The following NFATC2 variants were observed in gnomAD, a reference collection of about 807,000 sequenced individuals.
The protein encoded by NFATC2 is nuclear factor of activated T-cells, cytoplasmic 2.
Under a neutral mutation model 87.3 loss-of-function variants are expected in NFATC2, and 22 were observed. The ratio of observed to expected loss-of-function variants is 0.25; its 90% CI spans 0.18 to 0.36. The LOEUF (loss-of-function observed/expected upper bound fraction) is 0.36, where lower values mean the gene tolerates loss of function less well. Among genes scored for constraint, NFATC2 ranks in the 10% least tolerant of loss-of-function variants. The pLI is 1.00. For missense variants in NFATC2, 1,149 were observed against 1,259.1 expected (o/e 0.91, Z 1.32); for synonymous variants, 565 against 542.2 (o/e 1.04, Z -0.58).
At chr20:51,430,651 T>C (rs1982567207) in intron 9 of NFATC2, among the ~76,000 whole-genome samples, 1 of 152,144 alleles carries the variant, frequency 6.6e-6, no homozygotes. Context: ...TCCCTAGGGA[T>C]TGGGTATGGA....
chr20:51,465,363 G>C (rs1283743881), intron 5 of NFATC2, among the ~76,000 whole-genome samples: 1 of 152,156 alleles, frequency 6.6e-6, no homozygotes, highest in Non-Finnish European at 1.5e-5. Context: ...CTGGGTGACA[G>C]AGTGAGAATC....
At chr20:51,487,577 C>A (rs542401357) in intron 3 of NFATC2, among the ~76,000 whole-genome samples, 1 of 152,318 alleles carries the variant, frequency 6.6e-6, no homozygotes, top group South Asian at 2.1e-4. Context: ...TCTGGATGAG[C>A]CATAAGCTCT....
intron 9 of NFATC2, among the ~76,000 whole-genome samples, chr20:51,410,692 C>T (rs1029186732): frequency 6.6e-6 from 1 of 152,006 alleles, no homozygotes; most frequent in East Asian, 1.9e-4. Context: ...TTTGCACCCA[C>T]CATACAAGAG....
chr20:51,549,267 TTTG>T (rs1309510411), intron 1 of NFATC2, among the ~76,000 whole-genome samples: 3 of 46,284 alleles, frequency 6.5e-5, no homozygotes, highest in East Asian at 2.2e-3. Context: ...GGTTTTTTTG[TTTG>T]TTTGTTTGTT....
At chr20:51,498,209 CG>C (rs1044207538) in intron 3 of NFATC2, among the ~76,000 whole-genome samples, 1 of 152,080 alleles carries the variant, frequency 6.6e-6, no homozygotes, top group Non-Finnish European at 1.5e-5. Context: ...ACCAAGGAGC[CG>C]CCTACGCCAG....
chr20:51,517,182 T>C (rs1423660452), intron 2 of NFATC2, among the ~76,000 whole-genome samples: 1 of 152,180 alleles, frequency 6.6e-6, no homozygotes, highest in Non-Finnish European at 1.5e-5. Context: ...TAGTGGCTCC[T>C]AGGCTACAAA....
intron 9 of NFATC2, among the ~76,000 whole-genome samples, chr20:51,415,506 G>A (rs970765224): frequency 6.6e-6 from 1 of 152,130 alleles, no homozygotes; most frequent in African/African-American, 2.4e-5. Flanking sequence ...GGGGATCCAG[G>A]AAAACCAAGA....
chr20:51,553,183 C>A lies in NFATC2; in HGVS notation c.70+9377G>T, dbSNP rs976061773. 2.6e-5 allele frequency among the ~76,000 whole-genome samples: 4 copies of A among 152,272 alleles called. No homozygotes were observed. In the South Asian group the frequency reaches 8.3e-4, roughly 32 times the overall value. On this transcript the variant is annotated intron_variant, in intron 1 of 10. Transcript: ENST00000414705. Reference sequence around the variant, plus strand: ...GCTGTTCCCTGGGGATGCCCTCCTCCGTTTGCCCCAGCCCCCACCTGTCTT... The same window carrying A: ...GCTGTTCCCTGGGGATGCCCTCCTCAGTTTGCCCCAGCCCCCACCTGTCTT...
At chr20:51,408,977 C>T (rs1245735627) in intron 9 of NFATC2, among the ~76,000 whole-genome samples, 1 of 152,198 alleles carries the variant, frequency 6.6e-6, no homozygotes, top group Non-Finnish European at 1.5e-5. Flanking sequence ...AGAAAACTCA[C>T]ACCTTTCAGA....
chr20:51,515,686 A>G (rs1398847620), intron 3 of NFATC2, among the ~76,000 whole-genome samples: 1 of 39,930 alleles, frequency 2.5e-5, no homozygotes, highest in Non-Finnish European at 6.2e-5. Flanking sequence ...TGTCTGATTT[A>G]AAAAAAAAAA....
chr20:51,539,738 A>G (rs904230581), intron 1 of NFATC2, among the ~76,000 whole-genome samples: 1 of 152,112 alleles, frequency 6.6e-6, no homozygotes, highest in Non-Finnish European at 1.5e-5. Flanking sequence ...GACTCAAGCA[A>G]TCTTCCCACC....
chr20:51,419,647 C>A (rs1980575463), intron 9 of NFATC2, among the ~76,000 whole-genome samples: 1 of 152,180 alleles, frequency 6.6e-6, no homozygotes, highest in Non-Finnish European at 1.5e-5. Flanking sequence ...GCCTCTACAT[C>A]CTAATCAATA....
intron 9 of NFATC2, among the ~76,000 whole-genome samples, chr20:51,427,331 G>A (rs1981987449): frequency 6.6e-6 from 1 of 152,130 alleles, no homozygotes; most frequent in Admixed American, 6.5e-5. Context: ...TCTCCCGCTT[G>A]CTTGCGTCCT....
intron 5 of NFATC2, among the ~76,000 whole-genome samples, chr20:51,465,677 C>G (rs944340993): frequency 2.0e-5 from 3 of 152,058 alleles, no homozygotes; most frequent in African/African-American, 4.8e-5. Flanking sequence ...ATCGGCATGA[C>G]AGACACATAT....
chr20:51,545,132 T>C (rs1034668650), upstream of NFATC2, among the ~76,000 whole-genome samples: 3 of 152,080 alleles, frequency 2.0e-5, no homozygotes, highest in Admixed American at 1.3e-4. Flanking sequence ...GATGATGAAA[T>C]TTTGGCCAAT....
At chr20:51,540,283 G>A (rs1370623414) in intron 1 of NFATC2, among the ~76,000 whole-genome samples, 3 of 152,186 alleles carry the variant, frequency 2.0e-5, no homozygotes, top group Admixed American at 2.0e-4. Flanking sequence ...AAAGTGTTGG[G>A]ATTACAGGCG....
Position 51,562,080 on chromosome 20 carries a change from G to A in NFATC2, c.70+480C>T, listed in dbSNP as rs2077037705. Among the ~76,000 whole-genome samples, 1 of 152,184 alleles carries A rather than the reference G, an allele frequency of 6.6e-6. No individual in the cohort carries two copies. The highest frequency in any genetic ancestry group is 2.1e-4 in the South Asian group (1 of 4,822). ...TAAATGTCCCAGAGCATCCGCTGCT[G>A]CTGTAACTGTTAGAAAGCAAAGTCT... On this transcript the variant is annotated intron_variant, in intron 1 of 10. Transcript: ENST00000414705. The surrounding 1 kb of genome is among the most constrained non-coding windows in gnomAD (Gnocchi z 5.8).
At chr20:51,439,871 A>G (rs546014577) in intron 6 of NFATC2, among the ~76,000 whole-genome samples, 1 of 152,350 alleles carries the variant, frequency 6.6e-6, no homozygotes, top group Admixed American at 6.5e-5. Flanking sequence ...ATATGGAGAT[A>G]ATCATAGTAC....
chr20:51,402,107 T>C (rs1240021138), intron 9 of NFATC2, among the ~76,000 whole-genome samples: 1 of 152,192 alleles, frequency 6.6e-6, no homozygotes, highest in Admixed American at 6.5e-5. Context: ...TATGCTACCA[T>C]CATCTCCATT....
Sources: gnomAD v4.1 joint callset for allele counts (sites outside exome capture counted in the v4.1 genomes callset) on GRCh38, gnomAD v4.1.1 for gene constraint, Gnocchi (gnomAD v3.1) non-coding constraint, MANE v1.5 for transcripts, NCBI Gene and HGNC (gene_info 2026-07-23, HGNC 2026-07-21) for gene names.